OBSL1: variants seen among roughly 807,000 people sequenced by gnomAD.
OBSL1 encodes the protein obscurin like cytoskeletal adaptor 1.
Under a neutral mutation model 172.0 loss-of-function variants are expected in OBSL1, and 160 were observed. The observed-to-expected ratio is 0.93, with a 90% CI of 0.82 to 1.06. The LOEUF (loss-of-function observed/expected upper bound fraction) is 1.06, where lower values mean the gene tolerates loss of function less well. Among genes scored for constraint, OBSL1 ranks in the 50% least tolerant of loss-of-function variants. The probability of loss-of-function intolerance (pLI) is 0.00; values close to 1 mark genes in which losing one functional copy is unlikely to be tolerated. For synonymous variants in OBSL1, 1,200 were observed against 1,196.3 expected, an observed-to-expected ratio of 1.00 and a Z score of -0.06; for missense variants, 2,681 against 2,715.4, an observed-to-expected ratio of 0.99 and a Z score of 0.28.
intron 8 of OBSL1, among the ~76,000 whole-genome samples, chr2:219,561,555 C>T (rs1310455513): frequency 6.6e-6 from 1 of 152,164 alleles, no homozygotes; most frequent in Non-Finnish European, 1.5e-5. Context: ...ATGCGTCTGG[C>T]TTTCCTGCCA....
Position 219,562,471 on chromosome 2 carries a change from G to A in OBSL1, c.2884C>T (p.Leu962Phe). Residue 962 changes from leucine to phenylalanine, a missense_variant, in exon 8 of 21, where the codon CTC becomes TTC. By Grantham distance (22) the Leu-to-Phe change is conservative. This residue lies in a region of OBSL1 where 1,765 missense variants were observed against 1,748.3 expected (regional missense o/e 1.01). Coordinates refer to ENST00000404537, the MANE Select transcript of OBSL1 (RefSeq NM_015311.3). ...VRRLVLPAVQ[L>F]EDSGEYLCEI... Reference sequence around the variant, plus strand: ...CACAAGTACTCGCCGGAGTCCTCGAGCTGGACAGCGGGCAGCACCAGGCGG... The same window carrying A: ...CACAAGTACTCGCCGGAGTCCTCGAACTGGACAGCGGGCAGCACCAGGCGG... The A allele has an allele frequency of 6.2e-7, 1 of 1,614,026 alleles. No individual in the cohort carries two copies.
chr2:219,552,488 C>G, intron 18 of OBSL1, 48 bp downstream of exon 18: 1 of 1,541,000 alleles, frequency 6.5e-7, no homozygotes, highest in African/African-American at 1.4e-5. Context: ...TCTGTTCGAG[C>G]CTGGGCGGGG....
In OBSL1 at chr2:219,553,639, C is replaced by T. The variant is rs762255736; in HGVS notation, c.4924G>A (p.Glu1642Lys). 6.2e-6 allele frequency: 10 copies of T among 1,613,894 alleles called. No individual in the cohort carries two copies. The highest frequency in any genetic ancestry group is 4.5e-5 in the East Asian group (2 of 44,872). Residue 1642 changes from glutamate (E) to lysine (K), a missense_variant, in exon 16 of 21, where the codon GAG (glutamate) becomes AAG (lysine). Glu to Lys is a moderately conservative substitution (Grantham distance 56, BLOSUM62 1). This residue lies in a region of OBSL1 where 1,765 missense variants were observed against 1,748.3 expected (regional missense o/e 1.01). Transcript: ENST00000404537. ...CACTCGAACGTAGCTGTGTCGCCCTCGGTCACCTCTAGGTCGTGTGGCCCC... is the reference window on the plus strand; with the variant it reads ...CACTCGAACGTAGCTGTGTCGCCCTTGGTCACCTCTAGGTCGTGTGGCCCC... ...VRGPHDLEVTEGDTATFECEL... is the reference protein window; with the variant it reads ...VRGPHDLEVTKGDTATFECEL...
At position 219,557,931 on chromosome 2, in the gene OBSL1, G is replaced by T. The variant is rs766007675; in HGVS notation, c.3682C>A (p.Arg1228=). 1.7e-5 allele frequency: 27 copies of T among 1,605,292 alleles called. No individual in the cohort carries two copies. The highest frequency in any genetic ancestry group is 2.1e-5 in the Non-Finnish European group (25 of 1,179,458). ...CCTGCAGCCTGGATGCAGAGGACTC[G>T]GCGGGGGCCCTCGGCATGGAGCTCT... ...GLELHAEGPR[R]VLCIQAAGPA... Residue 1228 remains arginine (R), a synonymous_variant, in exon 11 of 21, where the codon CGA becomes AGA. Transcript: ENST00000404537.
At chr2:219,561,046 G>A (rs1327582542) in intron 8 of OBSL1, among the ~76,000 whole-genome samples, 1 of 152,212 alleles carries the variant, frequency 6.6e-6, no homozygotes, top group Admixed American at 6.5e-5. Flanking sequence ...GTCTGGCCAT[G>A]GCTGGGTGGG....
intron 18 of OBSL1, 79 bp from the exon 19 acceptor site, chr2:219,552,295 C>T: frequency 7.3e-7 from 1 of 1,367,498 alleles, no homozygotes; most frequent in Non-Finnish European, 1.0e-6. Context: ...CCCAGCAGGC[C>T]CCTGGGTCGG....
Position 219,553,138 on chromosome 2 carries a change from G to T in OBSL1, c.4990-114C>A, listed in dbSNP as rs1574521232. The T allele has an allele frequency of 2.3e-6, 3 of 1,319,244 alleles. No homozygotes were observed. The East Asian group carries it at 8.4e-5, about 37-fold the overall frequency. The allele number at this position is 1,319,244 out of a possible 1,614,324, so 81.7% of individuals were successfully genotyped here. ...CCAAGCGGTCTCGAGGCGCGTTTAT[G>T]CGTGTCTCGTGTTCCCAGGCTGGGG... On this transcript the variant is annotated intron_variant, in intron 16 of 20. Transcript: ENST00000404537.
At position 219,567,398 on chromosome 2, in the gene OBSL1, T is replaced by G; in HGVS notation, c.1712A>C (p.Lys571Thr). The G allele has an allele frequency of 6.2e-7, 1 of 1,613,108 alleles. No individual in the cohort carries two copies. The change falls in exon 4 of 21, where the codon AAA (lysine) becomes ACA (threonine). Residue 571 changes from lysine (K) to threonine (T), a missense_variant. Physicochemically the swap from Lys to Thr is moderately conservative, Grantham distance 78 (BLOSUM62 -1). This residue lies in a region of OBSL1 where 706 missense variants were observed against 695.8 expected (regional missense o/e 1.01). Transcript: ENST00000404537. ...EDWIQCFSIE[K>T]AGAVEVPGDC... ...GCCCGGCACCTCCACGGCTCCGGCT[T>G]TCTCGATGCTGAAGCACTGAATCCA...
At chr2:219,560,139 C>G (rs910244702) in intron 8 of OBSL1, among the ~76,000 whole-genome samples, 6 of 152,164 alleles carry the variant, frequency 3.9e-5, no homozygotes, top group African/African-American at 1.2e-4. Context: ...CACGGCAATC[C>G]TAAGAGGAAG....
chr2:219,552,893 G>T lies in OBSL1; in HGVS notation c.5121C>A (p.Ala1707=). Residue 1707 remains alanine (A), a synonymous_variant, in exon 17 of 21, where the codon GCC becomes GCA. Transcript: ENST00000404537. ...CGCGCACGGTCAGGCGGACCGGTCCGGCGCGGGCCGTCCCCACCGCGCAGC... is the reference window on the plus strand; with the variant it reads ...CGCGCACGGTCAGGCGGACCGGTCCTGCGCGGGCCGTCCCCACCGCGCAGC... ...TYSCAVGTAR[A]GPVRLTVRER... 1 of 1,541,176 alleles carries T rather than the reference G, an allele frequency of 6.5e-7. No homozygotes were observed. Among genetic ancestry groups the T allele is most frequent in the Non-Finnish European group, 8.7e-7 (1 of 1,145,318 alleles).
At chr2:219,558,554 A>T in intron 9 of OBSL1, 95 bp from the exon 10 acceptor site, 3 of 1,370,020 alleles carry the variant, frequency 2.2e-6, no homozygotes, top group Non-Finnish European at 2.0e-6. Context: ...CTGGCAGCAC[A>T]GCTCTTGAGA....
chr2:219,549,166 C>T, downstream of OBSL1: 1 of 1,613,932 alleles, frequency 6.2e-7, no homozygotes, highest in Non-Finnish European at 8.5e-7. Flanking sequence ...CATCAGCCGG[C>T]AGCGCCGACG....
chr2:219,551,768 G>A lies in OBSL1; in HGVS notation c.5444C>T (p.Pro1815Leu), dbSNP rs1233145265. 1.3e-6 allele frequency: 2 copies of A among 1,590,496 alleles called. No homozygotes were observed. The highest frequency in any genetic ancestry group is 1.7e-6 in the Non-Finnish European group (2 of 1,166,238). ...GCCCACCAGAACGGTCTTCTCGCGA[G>A]GGGGGTGGCGGCACATCTGGAGAGG... is the stretch of plus-strand genomic sequence containing the variant. ...ALPLQMCRHP[P>L]REKTVLVGRR... is the part of the protein sequence containing the mutation. Residue 1815 changes from proline to leucine, a missense_variant, in exon 20 of 21, where the codon CCT becomes CTT. This residue lies in a region of OBSL1 where 1,765 missense variants were observed against 1,748.3 expected (regional missense o/e 1.01). Coordinates refer to ENST00000404537, the MANE Select transcript of OBSL1 (RefSeq NM_015311.3).
downstream of OBSL1, chr2:219,548,107 C>T: frequency 6.7e-7 from 1 of 1,494,384 alleles, no homozygotes; most frequent in Non-Finnish European, 8.9e-7. Context: ...CCAAGGTGGA[C>T]ATGAGAGGAG....
Position 219,558,474 on chromosome 2 carries a change from T to G in OBSL1, c.3227-15A>C. On this transcript the variant is annotated splice_polypyrimidine_tract_variant and intron_variant, in intron 9 of 20. Transcript: ENST00000404537. ...CTCTGGTGGGGCTGGTGGGTGGGCATGGAGAGGGGCACATAGGCTTGGCCA... is the reference window on the plus strand; with the variant it reads ...CTCTGGTGGGGCTGGTGGGTGGGCAGGGAGAGGGGCACATAGGCTTGGCCA... 1 of 1,555,262 alleles carries G rather than the reference T, an allele frequency of 6.4e-7. No individual in the cohort carries two copies. The highest frequency in any genetic ancestry group is 2.4e-5 in the East Asian group (1 of 42,168).
rs200575344 is a variant in OBSL1, at chr2:219,553,597, A to G, written c.4966T>C (p.Leu1656=). The G allele has an allele frequency of 1.1e-5, 17 of 1,613,822 alleles. No homozygotes were observed. Among genetic ancestry groups the G allele is most frequent in the Middle Eastern group, 1.6e-4 (1 of 6,062 alleles). ...ACCTTCTCCCAGGTAACATCAGCCAAAGCTTGGGAAAGCTCGCACTCGAAC... is the reference window on the plus strand; with the variant it reads ...ACCTTCTCCCAGGTAACATCAGCCAGAGCTTGGGAAAGCTCGCACTCGAAC... The part of the protein sequence containing the change: ...ATFECELSQA[L]ADVTWEKDGN... Residue 1656 remains leucine (L), a synonymous_variant, in exon 16 of 21, where the codon TTG becomes CTG. Coordinates refer to ENST00000404537, the MANE Select transcript of OBSL1 (RefSeq NM_015311.3).
At chr2:219,558,924 GT>G (rs1442629232) in intron 9 of OBSL1, among the ~76,000 whole-genome samples, 1 of 152,196 alleles carries the variant, frequency 6.6e-6, no homozygotes, top group Non-Finnish European at 1.5e-5. Flanking sequence ...AAGACAAGAG[GT>G]TTAGTCTTAT....
intron 19 of OBSL1, 100 bp from the exon 20 acceptor site, chr2:219,551,898 G>A: frequency 1.2e-6 from 1 of 868,028 alleles, no homozygotes; most frequent in Non-Finnish European, 1.8e-6. Context: ...CCTGGCCTTA[G>A]CCCTCTATGC....
intron 12 of OBSL1, 122 bp downstream of exon 12, chr2:219,557,221 A>T: frequency 3.2e-6 from 3 of 931,872 alleles, no homozygotes; most frequent in Non-Finnish European, 4.6e-6. Context: ...AGTGATGGTC[A>T]TGCACGCACT....
Sources: allele counts gnomAD v4.1 joint callset (sites outside exome capture counted in the v4.1 genomes callset), GRCh38; gene constraint gnomAD v4.1.1; regional missense constraint gnomAD v4.1.1; transcripts MANE v1.5; gene names NCBI Gene and HGNC (gene_info 2026-07-23, HGNC 2026-07-21).